Variants in MTUS2 observed in about 807,000 individuals in gnomAD.
The protein encoded by MTUS2 is microtubule-associated tumor suppressor candidate 2.
A neutral mutation model predicts 114.1 loss-of-function variants in MTUS2; 40 were observed. That is an observed-to-expected ratio of 0.35 (90% CI 0.27 to 0.46). The LOEUF is 0.46. MTUS2 is among the 20% of genes least tolerant of loss of function. MTUS2 has a pLI of 1.00. For synonymous variants in MTUS2, 688 were observed against 672.0 expected (o/e 1.02, Z -0.37); for missense variants, 1,679 against 1,705.4 (o/e 0.98, Z 0.27).
intron 4 of MTUS2, among the ~76,000 whole-genome samples, chr13:29,062,108 C>G (rs1888448243): frequency 2.0e-5 from 3 of 152,156 alleles, no homozygotes; most frequent in Non-Finnish European, 4.4e-5. Context: ...CCTCAGCCTC[C>G]CATGTAGCTG....
intron 2 of MTUS2, among the ~76,000 whole-genome samples, chr13:28,897,471 A>G (rs988748927): frequency 1.3e-5 from 2 of 152,212 alleles, no homozygotes; most frequent in African/African-American, 2.4e-5. Context: ...TAGTTCAACC[A>G]TTGTGGAAGT....
At chr13:28,911,745 T>A (rs1174709953) in intron 2 of MTUS2, among the ~76,000 whole-genome samples, 2 of 152,088 alleles carry the variant, frequency 1.3e-5, no homozygotes, top group Admixed American at 1.3e-4. Flanking sequence ...TTGTATTTCG[T>A]GATGATCGGT....
intron 2 of MTUS2, among the ~76,000 whole-genome samples, chr13:29,003,334 A>G (rs1442175699): frequency 6.6e-6 from 1 of 152,216 alleles, no homozygotes; most frequent in Admixed American, 6.5e-5. Context: ...GCTCAAGTGC[A>G]TCCAGCTGGC....
chr13:29,018,421 G>A (rs1886156354), intron 2 of MTUS2, among the ~76,000 whole-genome samples: 1 of 152,134 alleles, frequency 6.6e-6, no homozygotes, highest in Non-Finnish European at 1.5e-5. Context: ...AGCCTAAAAT[G>A]GATGAAGAAA....
At chr13:29,049,138 G>T (rs1887772429) in intron 4 of MTUS2, among the ~76,000 whole-genome samples, 1 of 152,214 alleles carries the variant, frequency 6.6e-6, no homozygotes, top group Non-Finnish European at 1.5e-5. Context: ...AAAAGCAAAT[G>T]GCAGATTTTG....
intron 6 of MTUS2, among the ~76,000 whole-genome samples, chr13:29,297,051 T>G (rs1314428252): frequency 6.6e-6 from 1 of 152,154 alleles, no homozygotes; most frequent in African/African-American, 2.4e-5. Flanking sequence ...TTTCTCCTAT[T>G]TTTTCTTCTA....
chr13:29,178,395 A>G (rs1410764558), intron 5 of MTUS2, among the ~76,000 whole-genome samples: 1 of 152,166 alleles, frequency 6.6e-6, no homozygotes, highest in East Asian at 1.9e-4. Context: ...ATAATCTTTG[A>G]AAATCCTCGG....
chr13:28,906,795 T>A (rs901383941), intron 2 of MTUS2, among the ~76,000 whole-genome samples: 2 of 151,324 alleles, frequency 1.3e-5, no homozygotes, highest in Non-Finnish European at 2.9e-5. Context: ...GCTGAGGTGA[T>A]GGGGAGAATG....
intron 1 of MTUS2, among the ~76,000 whole-genome samples, chr13:28,832,202 G>A (rs1038649833): frequency 1.3e-5 from 2 of 152,132 alleles, no homozygotes; most frequent in African/African-American, 2.4e-5. Context: ...TCACCCAGTG[G>A]TAGCAGAATA....
At position 29,025,743 on chromosome 13, in the gene MTUS2, T is replaced by C. The variant is rs1414956095; in HGVS notation, c.1045T>C (p.Cys349Arg). The change falls in exon 3 of 16, where the codon TGT (cysteine) becomes CGT (arginine). Residue 349 changes from cysteine to arginine, a missense_variant. Physicochemically the swap from Cys to Arg is radical, Grantham distance 180. This residue lies in a region of MTUS2 where 843 missense variants were observed against 770.8 expected (regional missense o/e 1.09). Transcript: ENST00000612955. ...GTCAGCCTTGGAGGGAAGGGATCCA[T>C]GTGGGGAAGCACACCCGGAAGCCAC... The part of the protein sequence containing the change: ...NLSALEGRDP[C>R]GEAHPEATDA... 1.2e-6 allele frequency: 2 copies of C among 1,613,950 alleles called. No individual in the cohort carries two copies. The highest frequency in any genetic ancestry group is 1.3e-5 in the African/African-American group (1 of 75,022).
At chr13:29,118,360 G>A (rs563732783) in intron 5 of MTUS2, among the ~76,000 whole-genome samples, 13 of 152,146 alleles carry the variant, frequency 8.5e-5, no homozygotes, top group African/African-American at 3.1e-4. Flanking sequence ...ATGGACACTG[G>A]GCTGGAACCT....
chr13:29,270,916 C>T (rs1897860414), intron 5 of MTUS2, among the ~76,000 whole-genome samples: 1 of 152,240 alleles, frequency 6.6e-6, no homozygotes, highest in African/African-American at 2.4e-5. Flanking sequence ...TGTTACCTGT[C>T]ACCATCAGAG....
intron 4 of MTUS2, among the ~76,000 whole-genome samples, chr13:29,045,100 A>C (rs552010304): frequency 6.6e-6 from 1 of 152,314 alleles, no homozygotes; most frequent in East Asian, 1.9e-4. Context: ...AACTTACTTT[A>C]TTAGGCCAGG....
chr13:29,429,570 T>C (rs1036927926), intron 8 of MTUS2, among the ~76,000 whole-genome samples: 5 of 152,244 alleles, frequency 3.3e-5, no homozygotes, highest in Non-Finnish European at 7.3e-5. Context: ...ACAAAGCCTT[T>C]CTTTGCTTTT....
At chr13:28,990,091 A>C (rs1333157737) in intron 2 of MTUS2, among the ~76,000 whole-genome samples, 9 of 152,102 alleles carry the variant, frequency 5.9e-5, no homozygotes, top group Admixed American at 5.2e-4. Context: ...TTGGGGCTTC[A>C]CTGAGTGAGT....
At chr13:29,331,567 C>T (rs924344765) in intron 7 of MTUS2, among the ~76,000 whole-genome samples, 4 of 152,086 alleles carry the variant, frequency 2.6e-5, no homozygotes, top group African/African-American at 7.2e-5. Flanking sequence ...AACTATATTA[C>T]AAGGCTACAG....
At chr13:28,838,399 GGTGGTAGTT>G (rs2137976479) in intron 1 of MTUS2, among the ~76,000 whole-genome samples, 1 of 152,290 alleles carries the variant, frequency 6.6e-6, no homozygotes, top group African/African-American at 2.4e-5. Flanking sequence ...TTGTGCTGGT[GGTGGTAGTT>G]GTGGTAGGTC....
At chr13:29,311,321 C>T (rs1256664491) in intron 6 of MTUS2, among the ~76,000 whole-genome samples, 3 of 152,218 alleles carry the variant, frequency 2.0e-5, no homozygotes, top group African/African-American at 7.2e-5. Context: ...TCTATTCCCA[C>T]TCCTCACCTG....
chr13:28,964,651 C>T (rs1202558261), intron 2 of MTUS2, among the ~76,000 whole-genome samples: 2 of 150,046 alleles, frequency 1.3e-5, no homozygotes, highest in African/African-American at 4.9e-5. Flanking sequence ...TTGGGCATTG[C>T]TTTGGGGACC....
Sources: allele counts gnomAD v4.1 joint callset (sites outside exome capture counted in the v4.1 genomes callset), GRCh38; gene constraint gnomAD v4.1.1; regional missense constraint gnomAD v4.1.1; transcripts MANE v1.5; gene names NCBI Gene and HGNC (gene_info 2026-07-23, HGNC 2026-07-21).